Variants in CFAP20DC observed in about 807,000 individuals in gnomAD.
CFAP20DC encodes CFAP20 domain containing, also known as protein CFAP20DC.
A neutral mutation model predicts 101.7 loss-of-function variants in CFAP20DC; 84 were observed. The ratio of observed to expected loss-of-function variants is 0.83; its 90% confidence interval spans 0.69 to 0.99. The LOEUF is 0.99. Ranked by LOEUF, CFAP20DC falls within the 50% of genes least tolerant of loss-of-function variation. CFAP20DC has a pLI of 0.00. For missense variants in CFAP20DC, 1,007 were observed against 970.3 expected, an observed-to-expected ratio of 1.04 and a Z score of -0.50; for synonymous variants, 359 against 351.2, an observed-to-expected ratio of 1.02 and a Z score of -0.25.
chr3:58,994,745 A>C (rs2093056124), intron 4 of CFAP20DC, among the ~76,000 whole-genome samples: 1 of 152,122 alleles, frequency 6.6e-6, no homozygotes, highest in African/African-American at 2.4e-5. Flanking sequence ...TCAAACATGC[A>C]ATTAGCAGGA....
chr3:59,011,685 A>T (rs1419879881), intron 4 of CFAP20DC, among the ~76,000 whole-genome samples: 2 of 152,184 alleles, frequency 1.3e-5, no homozygotes, highest in Non-Finnish European at 2.9e-5. Flanking sequence ...AAATTGACAG[A>T]CCATTAATGA....
chr3:58,739,412 A>AT (rs199771556), downstream of CFAP20DC, among the ~76,000 whole-genome samples: 2,795 of 152,190 alleles, frequency 0.018, 89 homozygotes, highest in African/African-American at 0.064. Flanking sequence ...GAATCAATCT[A>AT]TTTTTTTTAG....
At chr3:58,909,370 A>G (rs893473407) in intron 6 of CFAP20DC, among the ~76,000 whole-genome samples, 5 of 152,192 alleles carry the variant, frequency 3.3e-5, no homozygotes, top group African/African-American at 1.2e-4. Flanking sequence ...TACATGATAT[A>G]TTACGATATT....
At chr3:59,045,040 A>G (rs1699737073) in intron 3 of CFAP20DC, among the ~76,000 whole-genome samples, 1 of 151,880 alleles carries the variant, frequency 6.6e-6, no homozygotes, top group Admixed American at 6.6e-5. Flanking sequence ...TTAGGAAAGC[A>G]TAATCTTTAA....
rs914643505 is a variant in CFAP20DC, at chr3:59,049,649, G to T, written c.-18C>A. On this transcript the variant is annotated 5_prime_UTR_variant, in exon 1 of 17. Coordinates refer to ENST00000482387, the MANE Select transcript of CFAP20DC (RefSeq NM_001394063.1). ...TTGAACATTCCCGCAGGGGGCCCAGGGCTTGGGGGGCACAGAGTTCAGGGT... is the reference window on the plus strand; with the variant it reads ...TTGAACATTCCCGCAGGGGGCCCAGTGCTTGGGGGGCACAGAGTTCAGGGT... The T allele has an allele frequency of 9.8e-6, 15 of 1,535,778 alleles. No homozygotes were observed. The African/African-American group carries it at 1.9e-4, about 20-fold the overall frequency.
intron 6 of CFAP20DC, among the ~76,000 whole-genome samples, chr3:58,891,503 G>T (rs2106824473): frequency 6.6e-6 from 1 of 152,060 alleles, no homozygotes; most frequent in Non-Finnish European, 1.5e-5. Flanking sequence ...TGGCCGTTCT[G>T]ACTGGTGTGA....
At chr3:58,893,042 G>A (rs987138055) in intron 6 of CFAP20DC, among the ~76,000 whole-genome samples, 1 of 147,040 alleles carries the variant, frequency 6.8e-6, no homozygotes, top group Non-Finnish European at 1.5e-5. Context: ...TAACATGAAG[G>A]ATTTTTTTTT....
Position 58,979,104 on chromosome 3 carries a change from A to G in CFAP20DC, c.279-41342T>C, listed in dbSNP as rs377213274. ...AGATTGATTCTTTGCAGCCAAGGTCATGACTAGATGATATGTTCTGTCAAG... is the reference window on the plus strand; with the variant it reads ...AGATTGATTCTTTGCAGCCAAGGTCGTGACTAGATGATATGTTCTGTCAAG... On this transcript the variant is annotated intron_variant, in intron 4 of 16. Coordinates refer to ENST00000482387, the MANE Select transcript of CFAP20DC (RefSeq NM_001394063.1). Among the ~76,000 whole-genome samples the G allele has an allele frequency of 1.8e-3, 270 of 152,326 alleles. 13 individuals are homozygous for G. The South Asian group carries it at 0.053, about 30-fold the overall frequency.
At chr3:58,965,765 C>T (rs2091478520) in intron 4 of CFAP20DC, among the ~76,000 whole-genome samples, 1 of 152,074 alleles carries the variant, frequency 6.6e-6, no homozygotes, top group Non-Finnish European at 1.5e-5. Context: ...AAATAGACTC[C>T]TATACATAAA....
chr3:58,884,529 G>A lies in CFAP20DC; in HGVS notation c.715+16C>T, dbSNP rs1428395120. The A allele has an allele frequency of 2.5e-6, 4 of 1,612,012 alleles. No homozygotes were observed. Among genetic ancestry groups the A allele is most frequent in the Admixed American group, 3.3e-5 (2 of 59,978 alleles). The stretch of plus-strand genomic sequence containing the variant: ...CAGACATATTACACTTATAATTTAG[G>A]TGCCTGAGTGTCTACCTGATTCTGC... On this transcript the variant is annotated intron_variant, in intron 7 of 16. Coordinates refer to ENST00000482387, the MANE Select transcript of CFAP20DC (RefSeq NM_001394063.1).
intron 5 of CFAP20DC, among the ~76,000 whole-genome samples, chr3:58,934,341 G>A (rs1452472156): frequency 6.6e-6 from 1 of 152,150 alleles, no homozygotes; most frequent in East Asian, 1.9e-4. Flanking sequence ...TCTACCAGAG[G>A]TACAAGGAGG....
At chr3:58,760,690 T>G (rs1265833678) in intron 15 of CFAP20DC, among the ~76,000 whole-genome samples, 1 of 152,218 alleles carries the variant, frequency 6.6e-6, no homozygotes, top group Admixed American at 6.5e-5. Context: ...ATAGCTCTTA[T>G]TATTTTGAGA....
chr3:58,883,037 T>A (rs768526882), intron 7 of CFAP20DC, among the ~76,000 whole-genome samples: 2 of 152,214 alleles, frequency 1.3e-5, no homozygotes, highest in African/African-American at 2.4e-5. Context: ...ATAGAAAATA[T>A]CCCAAGAATA....
In CFAP20DC at chr3:58,861,975, T is replaced by C; in HGVS notation, c.1593+1583A>G. On this transcript the variant is annotated intron_variant, in intron 12 of 16. Coordinates refer to ENST00000482387, the MANE Select transcript of CFAP20DC (RefSeq NM_001394063.1). This position sits in a 1 kb window ranked among gnomAD's most constrained non-coding sequence, Gnocchi z 4.0. ...GAGTAGCTACAGCAAAAGAAAGCAT[T>C]AAGTGATATCAAATTAAAATATTCA... 3.0e-6 allele frequency: 3 copies of C among 985,028 alleles called. No individual in the cohort carries two copies. The highest frequency in any genetic ancestry group is 3.6e-6 in the Non-Finnish European group (3 of 829,562). 61.0% of individuals were successfully genotyped at this position (985,028 alleles called of 1,614,324 possible).
At chr3:58,937,437 C>T (rs368902952) in intron 5 of CFAP20DC, among the ~76,000 whole-genome samples, 207 of 152,264 alleles carry the variant, frequency 1.4e-3, no homozygotes, top group African/African-American at 4.7e-3. Context: ...CTTTGTAACA[C>T]AGTTTTGGTG....
At chr3:58,830,143 A>G (rs1159830734) in intron 14 of CFAP20DC, among the ~76,000 whole-genome samples, 2 of 152,180 alleles carry the variant, frequency 1.3e-5, no homozygotes, top group Non-Finnish European at 2.9e-5. Flanking sequence ...GTTGTGTTTA[A>G]TGAAAGCACA....
chr3:58,836,521 G>A (rs1408422212), intron 13 of CFAP20DC, among the ~76,000 whole-genome samples: 2 of 152,098 alleles, frequency 1.3e-5, no homozygotes, highest in East Asian at 1.9e-4. Context: ...GGAGAAAAAT[G>A]AGACATGGCC....
In CFAP20DC at chr3:59,039,633, G is replaced by C. The variant is rs2094162880; in HGVS notation, c.206-4C>G. On this transcript the variant is annotated splice_region_variant and splice_polypyrimidine_tract_variant and intron_variant, in intron 3 of 16. Coordinates refer to ENST00000482387, the MANE Select transcript of CFAP20DC (RefSeq NM_001394063.1). The stretch of plus-strand genomic sequence containing the variant: ...AGAAACCTCTGGATCAATCCAACTA[G>C]AATGAAGAGGAAATACACATTCAAA... The C allele has an allele frequency of 2.0e-6, 3 of 1,508,592 alleles. No homozygotes were observed. The highest frequency in any genetic ancestry group is 1.4e-5 in the African/African-American group (1 of 72,136). 93.5% of individuals were successfully genotyped at this position (1,508,592 alleles called of 1,614,324 possible).
chr3:58,957,724 T>C (rs1422348869), intron 4 of CFAP20DC, among the ~76,000 whole-genome samples: 1 of 152,160 alleles, frequency 6.6e-6, no homozygotes, highest in African/African-American at 2.4e-5. Context: ...TTGGAGGTCA[T>C]TTATTCAGTA....
Sources: gnomAD v4.1 joint callset for allele counts (sites outside exome capture counted in the v4.1 genomes callset) on GRCh38, gnomAD v4.1.1 for gene constraint, Gnocchi (gnomAD v3.1) non-coding constraint, MANE v1.5 for transcripts, NCBI Gene and HGNC (gene_info 2026-07-23, HGNC 2026-07-21) for gene names.